TRAPPC10: variants seen among roughly 807,000 people sequenced by gnomAD.
TRAPPC10 encodes the protein TRAPP 130 kDa subunit.
TRAPPC10 carries 23 observed loss-of-function variants against 125.5 expected under a neutral mutation model. That is an observed-to-expected ratio of 0.18 (90% confidence interval 0.13 to 0.26). TRAPPC10 has a LOEUF of 0.26. TRAPPC10 is among the 10% of genes least tolerant of loss of function. The pLI, the probability that TRAPPC10 is intolerant of heterozygous loss-of-function variation, is 1.00. For synonymous variants in TRAPPC10, 509 were observed against 518.0 expected (o/e 0.98, Z 0.24); for missense variants, 1,123 against 1,308.4 (o/e 0.86, Z 2.19).
intron 1 of TRAPPC10, among the ~76,000 whole-genome samples, chr21:44,030,760 G>A (rs1338022035): frequency 2.6e-5 from 4 of 152,156 alleles, no homozygotes; most frequent in African/African-American, 7.2e-5. Context: ...GAGCCATCAC[G>A]CCTGGCCTCT....
intron 18 of TRAPPC10, 80 bp from the exon 19 acceptor site, chr21:44,091,843 A>G (rs1316320481): frequency 7.4e-7 from 1 of 1,359,832 alleles, no homozygotes; most frequent in Non-Finnish European, 1.0e-6. Flanking sequence ...CCAGGCAGAG[A>G]GGGTCTCCTT....
intron 15 of TRAPPC10, among the ~76,000 whole-genome samples, chr21:44,085,137 C>T (rs926510441): frequency 2.0e-5 from 3 of 152,086 alleles, no homozygotes; most frequent in Non-Finnish European, 4.4e-5. Context: ...CTGAAAGGCC[C>T]GACCCTCTAA....
chr21:44,042,611 G>C (rs567557311), intron 3 of TRAPPC10, among the ~76,000 whole-genome samples: 65 of 152,142 alleles, frequency 4.3e-4, no homozygotes, highest in Non-Finnish European at 8.5e-4. Context: ...TCTGTTTCCA[G>C]ATTGTAATGT....
At position 44,037,841 on chromosome 21, in the gene TRAPPC10, C is replaced by G; in HGVS notation, c.199C>G (p.Gln67Glu). The change falls in exon 3 of 23, where the codon CAA becomes GAA. Residue 67 changes from glutamine (Q) to glutamate (E), a missense_variant. By Grantham distance (29) the Gln-to-Glu change is conservative. Coordinates refer to ENST00000291574, the MANE Select transcript of TRAPPC10 (RefSeq NM_003274.5). ...KMIHLESNFV[Q>E]FKEELLPKEG... The stretch of plus-strand genomic sequence containing the variant: ...GATTCACCTAGAGTCTAACTTTGTT[C>G]AATTCAAAGAGGAGCTGCTGCCCAA... 6.2e-7 allele frequency: 1 copy of G among 1,614,140 alleles called. No individual in the cohort carries two copies. Among genetic ancestry groups the G allele is most frequent in the Admixed American group, 1.7e-5 (1 of 60,012 alleles).
chr21:44,040,137 A>G (rs572837293), intron 3 of TRAPPC10, among the ~76,000 whole-genome samples: 1 of 152,278 alleles, frequency 6.6e-6, no homozygotes, highest in African/African-American at 2.4e-5. Flanking sequence ...CTTCAGCTTC[A>G]TCCTTTTCAG....
chr21:44,012,711 G>C (rs1569130418), intron 1 of TRAPPC10, 151 bp downstream of exon 1: 1 of 661,804 alleles, frequency 1.5e-6, no homozygotes, highest in African/African-American at 2.0e-5. Context: ...GCTGAGGCGG[G>C]GCCCTCTGAC....
At chr21:44,092,117 T>C in intron 19 of TRAPPC10, 68 bp downstream of exon 19, 2 of 1,586,232 alleles carry the variant, frequency 1.3e-6, no homozygotes, top group Non-Finnish European at 8.6e-7. Context: ...AATGATGTAG[T>C]ATGTGTTGCG....
chr21:44,076,188 A>C (rs1177503539), intron 9 of TRAPPC10, among the ~76,000 whole-genome samples: 1 of 152,252 alleles, frequency 6.6e-6, no homozygotes, highest in East Asian at 1.9e-4. Context: ...CATTCTTAGT[A>C]AATTGAATAA....
chr21:44,043,922 C>T (rs1444147404), intron 3 of TRAPPC10, among the ~76,000 whole-genome samples: 2 of 152,236 alleles, frequency 1.3e-5, no homozygotes, highest in Admixed American at 1.3e-4. Context: ...TTTTAGCTCC[C>T]AGCCTCAACA....
At chr21:44,055,195 T>G (rs1191081838) in intron 4 of TRAPPC10, among the ~76,000 whole-genome samples, 1 of 152,154 alleles carries the variant, frequency 6.6e-6, no homozygotes, top group Non-Finnish European at 1.5e-5. Flanking sequence ...AACTCTCCTT[T>G]GAATTTCTGT....
intron 4 of TRAPPC10, among the ~76,000 whole-genome samples, chr21:44,053,236 A>G (rs1415808417): frequency 2.0e-5 from 3 of 152,238 alleles, no homozygotes; most frequent in African/African-American, 4.8e-5. Context: ...GTAATGAGCA[A>G]AAAGAAAATG....
chr21:44,094,020 G>T (rs199955210), intron 19 of TRAPPC10, 43 bp from the exon 20 acceptor site: 2 of 1,589,130 alleles, frequency 1.3e-6, no homozygotes, highest in East Asian at 2.2e-5. Context: ...CCTCTTTGCG[G>T]TTATGGTGCT....
At chr21:44,029,917 C>G (rs2033422728) in intron 1 of TRAPPC10, among the ~76,000 whole-genome samples, 1 of 152,222 alleles carries the variant, frequency 6.6e-6, no homozygotes, top group Non-Finnish European at 1.5e-5. Flanking sequence ...GGACACAGTT[C>G]AGCCCATAAC....
At chr21:44,050,407 G>A (rs932294965) in intron 3 of TRAPPC10, among the ~76,000 whole-genome samples, 1 of 152,078 alleles carries the variant, frequency 6.6e-6, no homozygotes. Context: ...GGGTGGGGGT[G>A]GGGAGGAGTC....
At chr21:44,065,832 C>G (rs1168536129) in intron 7 of TRAPPC10, among the ~76,000 whole-genome samples, 1 of 152,208 alleles carries the variant, frequency 6.6e-6, no homozygotes, top group Non-Finnish European at 1.5e-5. Flanking sequence ...AACTTCACGT[C>G]AGAAGTGTTT....
rs1429073692 is a variant in TRAPPC10 at position 44,059,743 on chromosome 21, T to TA, written c.790+530dup. 4.3e-6 allele frequency: 2 copies of TA among 460,792 alleles called. No homozygotes were observed. The highest frequency in any genetic ancestry group is 3.2e-5 in the East Asian group (1 of 31,610). The allele number at this position is 460,792 out of a possible 1,614,324, so 28.5% of individuals were successfully genotyped here. On this transcript the variant is annotated intron_variant, in intron 6 of 22. Coordinates refer to ENST00000291574, the MANE Select transcript of TRAPPC10 (RefSeq NM_003274.5). The surrounding 1 kb of genome is among the most constrained non-coding windows in gnomAD (Gnocchi z 4.4). ...TATTGTCCTCAGTGTTTTTCGCTGATACTTATTTTGATGAAAGTGATACCA... is the reference window on the plus strand; with the variant it reads ...TATTGTCCTCAGTGTTTTTCGCTGATAACTTATTTTGATGAAAGTGATACCA...
At chr21:44,062,195 T>A (rs949395262) in intron 6 of TRAPPC10, among the ~76,000 whole-genome samples, 11 of 152,248 alleles carry the variant, frequency 7.2e-5, no homozygotes, top group Admixed American at 4.6e-4. Flanking sequence ...AAAGTAAGCC[T>A]GGACCAAATT....
intron 1 of TRAPPC10, among the ~76,000 whole-genome samples, chr21:44,023,025 C>CTTTTTTTTTTTT (rs1028804319): frequency 3.7e-5 from 3 of 80,246 alleles, no homozygotes; most frequent in East Asian, 4.0e-4. Context: ...TTCCCTATGT[C>CTTTTTTTTTTTT]TTTTTTTTTT....
At chr21:44,057,044 C>A (rs1980209417) in intron 5 of TRAPPC10, among the ~76,000 whole-genome samples, 1 of 151,878 alleles carries the variant, frequency 6.6e-6, no homozygotes, top group Admixed American at 6.6e-5. Flanking sequence ...CATGGATGGG[C>A]CTAGAGGACA....
Sources: gnomAD v4.1 joint callset for allele counts (sites outside exome capture counted in the v4.1 genomes callset) on GRCh38, gnomAD v4.1.1 for gene constraint, Gnocchi (gnomAD v3.1) non-coding constraint, MANE v1.5 for transcripts, NCBI Gene and HGNC (gene_info 2026-07-23, HGNC 2026-07-21) for gene names.